Variants in ABCC1 observed in about 807,000 individuals in gnomAD.
ABCC1 encodes the protein multidrug resistance-associated protein 1.
In ABCC1, 83 loss-of-function variants were observed where a neutral mutation model predicts 172.9. The ratio of observed to expected loss-of-function variants is 0.48; its 90% confidence interval spans 0.40 to 0.58. The LOEUF is 0.58. Ranked by LOEUF, ABCC1 falls within the 20% of genes least tolerant of loss-of-function variation. The pLI is 0.00. For missense variants in ABCC1, 1,817 were observed against 2,002.7 expected (o/e 0.91, Z 1.77); for synonymous variants, 937 against 825.2 (o/e 1.14, Z -2.32).
At chr16:16,132,955 A>G (rs1348521106) in intron 27 of ABCC1, among the ~76,000 whole-genome samples, 3 of 152,152 alleles carry the variant, frequency 2.0e-5, no homozygotes, top group Admixed American at 6.6e-5. Context: ...GGCTCTTTCT[A>G]GTCAACCTGT....
chr16:16,036,579 A>G lies in ABCC1; in HGVS notation c.785A>G (p.Lys262Arg). 6.2e-7 allele frequency: 1 copy of G among 1,614,166 alleles called. No homozygotes were observed. Among genetic ancestry groups the G allele is most frequent in the Non-Finnish European group, 8.5e-7 (1 of 1,179,980 alleles). ...GTGCCTGTTTTGGTAAAGAACTGGA[A>G]GAAGGAATGCGCCAAGACTAGGAAG... The part of the protein sequence containing the change: ...QVVPVLVKNW[K>R]KECAKTRKQP... Residue 262 changes from lysine (K) to arginine (R), a missense_variant, in exon 7 of 31, where the codon AAG becomes AGG. Transcript: ENST00000399410.
chr16:16,062,114 C>A (rs755360271), intron 12 of ABCC1, among the ~76,000 whole-genome samples: 3 of 152,202 alleles, frequency 2.0e-5, no homozygotes, highest in Non-Finnish European at 2.9e-5. Context: ...GGAAAAGATA[C>A]AAGCCAGAGG....
rs755996982 is a variant in ABCC1 at position 16,048,183 on chromosome 16, C to T, written c.1260C>T (p.Val420=). The T allele has an allele frequency of 4.2e-5, 68 of 1,614,042 alleles. No individual in the cohort carries two copies. The highest frequency in any genetic ancestry group is 5.3e-5 in the Non-Finnish European group (62 of 1,180,024). Residue 420 remains valine (V), a synonymous_variant, in exon 10 of 31, where the codon GTC becomes GTT. Coordinates refer to ENST00000399410, the MANE Select transcript of ABCC1 (RefSeq NM_004996.4). ...ATTCAGCCAGAAAATCCTCCACGGT[C>T]GGGGAGATTGTCAACCTCATGTCTG... ...ITNSARKSST[V]GEIVNLMSVD...
At chr16:16,082,642 G>A (rs1743813618) in intron 16 of ABCC1, among the ~76,000 whole-genome samples, 1 of 152,130 alleles carries the variant, frequency 6.6e-6, no homozygotes, top group Non-Finnish European at 1.5e-5. Flanking sequence ...CCCAAACTAG[G>A]TCAGTCTTTT....
At chr16:15,969,519 T>C (rs1460024688) in intron 1 of ABCC1, among the ~76,000 whole-genome samples, 2 of 151,972 alleles carry the variant, frequency 1.3e-5, no homozygotes, top group African/African-American at 4.8e-5. Context: ...ATTACAGGCA[T>C]GTGCCACCAC....
chr16:16,048,203 T>C lies in ABCC1; in HGVS notation c.1280T>C (p.Met427Thr), dbSNP rs1366727153. The part of the protein sequence containing the change: ...SSTVGEIVNL[M>T]SVDAQRFMDL... The stretch of plus-strand genomic sequence containing the variant: ...ACGGTCGGGGAGATTGTCAACCTCA[T>C]GTCTGTGGACGCTCAGAGGTTCATG... Residue 427 changes from methionine to threonine, a missense_variant, in exon 10 of 31, where the codon ATG becomes ACG. Transcript: ENST00000399410. 5 of 1,614,180 alleles carry C rather than the reference T, an allele frequency of 3.1e-6. No individual in the cohort carries two copies. The highest frequency in any genetic ancestry group is 1.7e-5 in the Admixed American group (1 of 60,012).
intron 23 of ABCC1, among the ~76,000 whole-genome samples, chr16:16,116,616 G>T (rs1411501445): frequency 6.6e-6 from 1 of 151,868 alleles, no homozygotes; most frequent in Non-Finnish European, 1.5e-5. Flanking sequence ...AGGCTGGAGT[G>T]CAGTGATGGA....
intron 3 of ABCC1, 46 bp downstream of exon 3, chr16:16,009,947 G>A (rs1407847564): frequency 1.4e-6 from 2 of 1,411,718 alleles, no homozygotes; most frequent in African/African-American, 1.5e-5. Flanking sequence ...GCTGGGCTCA[G>A]TGGAGACCAA....
chr16:16,132,528 T>G (rs1291143052), intron 27 of ABCC1, among the ~76,000 whole-genome samples: 5 of 129,990 alleles, frequency 3.8e-5, no homozygotes, highest in African/African-American at 1.4e-4. Context: ...TTTTTTTTTT[T>G]TTTTTTTTTT....
intron 1 of ABCC1, among the ~76,000 whole-genome samples, chr16:16,002,812 T>TA (rs768132094): frequency 2.7e-5 from 4 of 148,862 alleles, no homozygotes; most frequent in South Asian, 4.3e-4. Context: ...ATTAGCTAAG[T>TA]AAAAAAAAGC....
Position 16,111,434 on chromosome 16 carries a change from C to CAGCATCTTCCTT in ABCC1, c.2932_2943dup (p.Ser978_Leu981dup). On this transcript the variant is annotated inframe_insertion, in exon 22 of 31. Transcript: ENST00000399410. ...CCATCGGACTCTTCATCTCCTTCCT[C>CAGCATCTTCCTT]AGCATCTTCCTTTTCATGTGTAACC... The CAGCATCTTCCTT allele has an allele frequency of 6.2e-7, 1 of 1,614,180 alleles. No homozygotes were observed. Among genetic ancestry groups the CAGCATCTTCCTT allele is most frequent in the Non-Finnish European group, 8.5e-7 (1 of 1,180,032 alleles).
intron 21 of ABCC1, among the ~76,000 whole-genome samples, chr16:16,108,759 C>G (rs1194996644): frequency 6.6e-6 from 1 of 151,844 alleles, no homozygotes; most frequent in Non-Finnish European, 1.5e-5. Flanking sequence ...CCACGCTTGA[C>G]TAATTTTTTT....
intron 1 of ABCC1, among the ~76,000 whole-genome samples, chr16:16,005,286 C>G (rs1229120248): frequency 6.6e-6 from 1 of 151,626 alleles, no homozygotes; most frequent in Non-Finnish European, 1.5e-5. Flanking sequence ...AAAGATTGGC[C>G]CCTCCCAGCT....
chr16:16,138,540 C>T lies in ABCC1; in HGVS notation c.4469C>T (p.Thr1490Ile). The part of the protein sequence containing the change: ...TVLTIAHRLN[T>I]IMDYTRVIVL... ...CTCACCATCGCCCACCGGCTCAACA[C>T]CATCATGGACTACACAAGGTGATGC... The change falls in exon 30 of 31, where the codon ACC (threonine) becomes ATC (isoleucine). Residue 1490 changes from threonine (T) to isoleucine (I), a missense_variant. By Grantham distance (89) the Thr-to-Ile change is moderately conservative (BLOSUM62 -1). This residue lies in a region of ABCC1 where 1,412 missense variants were observed against 1,600.3 expected (regional missense o/e 0.88). Coordinates refer to ENST00000399410, the MANE Select transcript of ABCC1 (RefSeq NM_004996.4). The T allele has an allele frequency of 6.3e-7, 1 of 1,596,854 alleles. No individual in the cohort carries two copies. Among genetic ancestry groups the T allele is most frequent in the Non-Finnish European group, 8.6e-7 (1 of 1,166,654 alleles).
chr16:16,078,951 A>AC (rs1324698155), intron 15 of ABCC1, among the ~76,000 whole-genome samples: 1 of 152,144 alleles, frequency 6.6e-6, no homozygotes, highest in Non-Finnish European at 1.5e-5. Flanking sequence ...TGCTGGGATT[A>AC]CCAGCACTGG....
rs1455387734 is a variant in ABCC1, at chr16:15,956,445, T to C, written c.48+6646T>C. ...AAAAGTTTAACTACTAACAGCTTACTGTTGACTGGAAGCCTTACCGAGAAC... is the reference window on the plus strand; with the variant it reads ...AAAAGTTTAACTACTAACAGCTTACCGTTGACTGGAAGCCTTACCGAGAAC... On this transcript the variant is annotated intron_variant, in intron 1 of 30. Transcript: ENST00000399410. 4.6e-5 allele frequency among the ~76,000 whole-genome samples: 7 copies of C among 152,072 alleles called. No homozygotes were observed. The East Asian group carries it at 1.2e-3, about 25-fold the overall frequency.
At chr16:16,033,712 C>T (rs940288571) in intron 6 of ABCC1, among the ~76,000 whole-genome samples, 3 of 152,102 alleles carry the variant, frequency 2.0e-5, no homozygotes, top group Admixed American at 2.0e-4. Flanking sequence ...AAGTCTCCGC[C>T]TCCCAGGTTC....
intron 30 of ABCC1, among the ~76,000 whole-genome samples, chr16:16,139,104 CA>C (rs2046029758): frequency 6.6e-6 from 1 of 152,220 alleles, no homozygotes; most frequent in East Asian, 1.9e-4. Flanking sequence ...TGCTGTCAGA[CA>C]AAGTCCCTGC....
intron 2 of ABCC1, among the ~76,000 whole-genome samples, chr16:16,009,180 A>G (rs1276725125): frequency 2.0e-5 from 3 of 151,906 alleles, no homozygotes; most frequent in East Asian, 1.9e-4. Flanking sequence ...GCTGTTGTCA[A>G]ACTCCTGGCT....
Sources: gnomAD v4.1 joint callset for allele counts (sites outside exome capture counted in the v4.1 genomes callset) on GRCh38, gnomAD v4.1.1 for gene constraint, gnomAD v4.1.1 regional missense constraint, MANE v1.5 for transcripts, NCBI Gene and HGNC (gene_info 2026-07-23, HGNC 2026-07-21) for gene names.